Variants in GNG4 observed in about 807,000 individuals in gnomAD.
GNG4 encodes G protein subunit gamma 4, also known as guanine nucleotide-binding protein G(I)/G(S)/G(O) subunit gamma-4.
A neutral mutation model predicts 5.8 loss-of-function variants in GNG4; 4 were observed. The ratio of observed to expected loss-of-function variants is 0.69; its 90% CI spans 0.34 to 1.57. The LOEUF (loss-of-function observed/expected upper bound fraction) is 1.57, where lower values mean the gene tolerates loss of function less well. Among genes scored for constraint, GNG4 ranks in the 40% most tolerant of loss-of-function variants. The pLI, the probability that GNG4 is intolerant of heterozygous loss-of-function variation, is 0.06. For synonymous variants in GNG4, 29 were observed against 32.9 expected (o/e 0.88, Z 0.41); for missense variants, 96 against 95.1 (o/e 1.01, Z -0.04).
chr1:235,612,092 GA>G (rs59250781), intron 1 of GNG4, among the ~76,000 whole-genome samples: 4,422 of 105,646 alleles, frequency 0.042, 511 homozygotes, highest in African/African-American at 0.13. Flanking sequence ...AAAAAAAAAA[GA>G]GGAGAAAGAA....
intron 3 of GNG4, among the ~76,000 whole-genome samples, chr1:235,563,241 A>T (rs1343283974): frequency 6.6e-6 from 1 of 151,700 alleles, no homozygotes; most frequent in East Asian, 1.9e-4. Flanking sequence ...TGGCCAACAT[A>T]GTGAAACCCC....
intron 3 of GNG4, among the ~76,000 whole-genome samples, chr1:235,577,924 C>A (rs1279824014): frequency 6.6e-6 from 1 of 152,212 alleles, no homozygotes. Flanking sequence ...CATTGCCTTT[C>A]CCTGGTGACT....
intron 1 of GNG4, among the ~76,000 whole-genome samples, chr1:235,635,914 T>C (rs1366422011): frequency 6.6e-6 from 1 of 152,228 alleles, no homozygotes; most frequent in Non-Finnish European, 1.5e-5. Context: ...CAGAGACCCC[T>C]TGCAGTGGCT....
intron 1 of GNG4, among the ~76,000 whole-genome samples, chr1:235,617,886 A>G (rs1403571911): frequency 2.3e-5 from 3 of 130,562 alleles, no homozygotes; most frequent in East Asian, 2.0e-4. Flanking sequence ...CTCTGCCTCT[A>G]TCTAAAAAAA....
chr1:235,567,477 C>A (rs1158450638), intron 3 of GNG4, among the ~76,000 whole-genome samples: 2 of 152,146 alleles, frequency 1.3e-5, no homozygotes, highest in African/African-American at 4.8e-5. Flanking sequence ...TCTCTCCTTC[C>A]CCCAGGCCCT....
chr1:235,552,327 C>A, intron 3 of GNG4, 90 bp from the exon 4 acceptor site: 1 of 1,183,034 alleles, frequency 8.5e-7, no homozygotes, highest in Middle Eastern at 2.5e-4. Context: ...AGGGGACAAG[C>A]CCTAGGGTAG....
At chr1:235,583,330 C>A (rs373709203) in intron 3 of GNG4, among the ~76,000 whole-genome samples, 2 of 152,218 alleles carry the variant, frequency 1.3e-5, no homozygotes, top group East Asian at 3.9e-4. Flanking sequence ...TTTGACACAC[C>A]CAGGCATGGT....
intron 3 of GNG4, among the ~76,000 whole-genome samples, chr1:235,558,128 A>G (rs1686965759): frequency 6.6e-6 from 1 of 152,220 alleles, no homozygotes; most frequent in South Asian, 2.1e-4. Context: ...TGCACACACA[A>G]TGAAGCCAGT....
chr1:235,614,240 C>G (rs1013487367), intron 1 of GNG4, among the ~76,000 whole-genome samples: 1 of 151,870 alleles, frequency 6.6e-6, no homozygotes, highest in Non-Finnish European at 1.5e-5. Context: ...GTATGTAGGT[C>G]TGTAGTGATG....
At chr1:235,566,701 G>A (rs1023158132) in intron 3 of GNG4, 1 of 152,536 alleles carries the variant, frequency 6.6e-6, no homozygotes, top group Non-Finnish European at 1.5e-5. Flanking sequence ...GCTATCTAAT[G>A]AGAACGGGGA....
In GNG4 at chr1:235,595,497, C is replaced by T. The variant is rs944465453; in HGVS notation, c.-108G>A. The T allele has an allele frequency of 6.6e-6, 1 of 152,286 alleles. No individual in the cohort carries two copies. The highest frequency in any genetic ancestry group is 1.5e-5 in the Non-Finnish European group (1 of 68,102). 9.4% of individuals were successfully genotyped at this position (152,286 alleles called of 1,614,324 possible). On this transcript the variant is annotated 5_prime_UTR_variant, in exon 2 of 4. Coordinates refer to ENST00000391854, the MANE Select transcript of GNG4 (RefSeq NM_001098722.2). ...CAGATGAGAGGTGAATTCAGAGCTT[C>T]TGCTTTGAGGTCACCTGAAAGCACA...
intron 1 of GNG4, among the ~76,000 whole-genome samples, chr1:235,628,960 C>A (rs113343157): frequency 1.3e-5 from 2 of 151,200 alleles, no homozygotes; most frequent in Non-Finnish European, 2.9e-5. Context: ...CACTTGTTCT[C>A]CTTGGAAGCG....
intron 2 of GNG4, among the ~76,000 whole-genome samples, chr1:235,589,261 T>C (rs749066640): frequency 2.6e-5 from 4 of 152,106 alleles, no homozygotes; most frequent in African/African-American, 4.8e-5. Flanking sequence ...GCCAAAGCTG[T>C]CCATTTTGCA....
chr1:235,552,133 C>T lies in GNG4; in HGVS notation c.204G>A (p.Lys68=), dbSNP rs1308788669. Residue 68 remains lysine, a synonymous_variant, in exon 4 of 4, where the codon AAG becomes AAA. Coordinates refer to ENST00000391854, the MANE Select transcript of GNG4 (RefSeq NM_001098722.2). The part of the protein sequence containing the change: ...VPASENPFRE[K]KFFCTIL The stretch of plus-strand genomic sequence containing the variant: ...GTTAGAGAATGGTACAAAAGAACTT[C>T]TTCTCGCGAAAGGGGTTTTCTGATG... The T allele has an allele frequency of 6.2e-7, 1 of 1,614,004 alleles. No individual in the cohort carries two copies.
At chr1:235,627,999 G>C (rs1303922959) in intron 1 of GNG4, among the ~76,000 whole-genome samples, 3 of 152,096 alleles carry the variant, frequency 2.0e-5, no homozygotes, top group Non-Finnish European at 4.4e-5. Context: ...CGACGAACAT[G>C]AAGAAACCCC....
chr1:235,583,985 T>A (rs111901226), intron 2 of GNG4, 137 bp from the exon 3 acceptor site: 367 of 504,194 alleles, frequency 7.3e-4, no homozygotes, highest in African/African-American at 6.2e-3. Flanking sequence ...TAGAAAACCC[T>A]CCTGGGATAA....
At position 235,569,916 on chromosome 1, in the gene GNG4, T is replaced by TTTGCTTTTTGCTATTG. The variant is rs530409547; in HGVS notation, c.99+13808_99+13823dup. 2.3e-3 allele frequency among the ~76,000 whole-genome samples: 349 copies of TTTGCTTTTTGCTATTG among 152,242 alleles called. 10 individuals are homozygous for TTTGCTTTTTGCTATTG. In the East Asian group the frequency reaches 0.053, roughly 23 times the overall value. On this transcript the variant is annotated intron_variant, in intron 3 of 3. Transcript: ENST00000391854. ...TCTTTATTATTAGTATTGCTTTTGTTTTGCTTTTTGCTATTGACTTATTTG... is the reference window on the plus strand; with the variant it reads ...TCTTTATTATTAGTATTGCTTTTGTTTTGCTTTTTGCTATTGTTGCTTTTTGCTATTGACTTATTTG...
intron 3 of GNG4, among the ~76,000 whole-genome samples, chr1:235,562,661 A>AAAAAAAAAAAAG (rs1484431631): frequency 7.0e-6 from 1 of 141,924 alleles, no homozygotes; most frequent in African/African-American, 2.7e-5. Flanking sequence ...AAAAAAAAGA[A>AAAAAAAAAAAAG]AAAAAAAAAA....
In GNG4 at chr1:235,644,775, A is replaced by C. The variant is rs1657458902; in HGVS notation, c.-123+4887T>G. On this transcript the variant is annotated intron_variant, in intron 1 of 3. Coordinates refer to ENST00000391854, the MANE Select transcript of GNG4 (RefSeq NM_001098722.2). The surrounding 1 kb of genome is among the most constrained non-coding windows in gnomAD (Gnocchi z 5.9). The stretch of plus-strand genomic sequence containing the variant: ...AAGGCCCTGCTGGAAATTTCCATCC[A>C]GGGTCTGTGCAGGGCGGGTACCCCA... 6.6e-6 allele frequency among the ~76,000 whole-genome samples: 1 copy of C among 152,184 alleles called. No individual in the cohort carries two copies. Among genetic ancestry groups the C allele is most frequent in the African/African-American group, 2.4e-5 (1 of 41,456 alleles).
Sources: gnomAD v4.1 joint callset for allele counts (sites outside exome capture counted in the v4.1 genomes callset) on GRCh38, gnomAD v4.1.1 for gene constraint, Gnocchi (gnomAD v3.1) non-coding constraint, MANE v1.5 for transcripts, NCBI Gene and HGNC (gene_info 2026-07-23, HGNC 2026-07-21) for gene names.